Variants in ASCC3 observed in about 807,000 individuals in gnomAD.
The protein encoded by ASCC3 is ASC-1 complex subunit P200.
A neutral mutation model predicts 256.3 loss-of-function variants in ASCC3; 158 were observed. The ratio of observed to expected loss-of-function variants is 0.62; its 90% CI spans 0.54 to 0.70. The LOEUF is 0.70. Ranked by LOEUF, ASCC3 falls within the 30% of genes least tolerant of loss-of-function variation. The pLI is 0.00. For missense variants in ASCC3, 2,259 were observed against 2,626.0 expected, an observed-to-expected ratio of 0.86 and a Z score of 3.05; for synonymous variants, 948 against 883.4, an observed-to-expected ratio of 1.07 and a Z score of -1.30.
rs1772502540 is a variant in ASCC3, at chr6:100,848,555, T to C, written c.394A>G (p.Asn132Asp). 1 of 1,614,132 alleles carries C rather than the reference T, an allele frequency of 6.2e-7. No homozygotes were observed. The highest frequency in any genetic ancestry group is 1.1e-5 in the South Asian group (1 of 91,082). The change falls in exon 4 of 42, where the codon AAT (asparagine) becomes GAT (aspartate). Residue 132 changes from asparagine (N) to aspartate (D), a missense_variant. Around this residue, in one of 2 missense-constraint regions of ASCC3, gnomAD observed 420 missense variants for 419.3 expected, o/e 1.00. Coordinates refer to ENST00000369162, the MANE Select transcript of ASCC3 (RefSeq NM_006828.4). ...TGAGAAATAATTCGATTAGTAGCAT[T>C]ACAAGCTGCAGTGGCAGATGATGAA... Reference protein sequence around the residue: ...FPSSSATAACNATNRIISHFS... With the variant: ...FPSSSATAACDATNRIISHFS...
chr6:100,841,181 C>T (rs1453761419), intron 4 of ASCC3, among the ~76,000 whole-genome samples: 1 of 152,046 alleles, frequency 6.6e-6, no homozygotes, highest in Non-Finnish European at 1.5e-5. Flanking sequence ...GAACAAAACC[C>T]ATAAATATTG....
intron 34 of ASCC3, among the ~76,000 whole-genome samples, chr6:100,597,710 T>C (rs909130727): frequency 1.1e-4 from 16 of 151,420 alleles, no homozygotes; most frequent in African/African-American, 3.6e-4. Context: ...TGGTGGCTTA[T>C]GCCTGTAGTC....
intron 4 of ASCC3, among the ~76,000 whole-genome samples, chr6:100,819,166 G>A (rs369197877): frequency 7.2e-5 from 11 of 152,010 alleles, no homozygotes; most frequent in Admixed American, 3.3e-4. Flanking sequence ...AGCCTGTCGG[G>A]GGCTGGGGGG....
chr6:100,738,129 G>T (rs1458429867), intron 10 of ASCC3, among the ~76,000 whole-genome samples: 3 of 152,162 alleles, frequency 2.0e-5, no homozygotes, highest in Non-Finnish European at 2.9e-5. Context: ...ACCTTTGTCA[G>T]ATGGATAGAT....
chr6:100,803,632 A>G (rs1463345687), intron 5 of ASCC3, among the ~76,000 whole-genome samples: 1 of 152,140 alleles, frequency 6.6e-6, no homozygotes, highest in Non-Finnish European at 1.5e-5. Flanking sequence ...CAATACACTC[A>G]AAGAACAAAC....
chr6:100,675,697 G>T (rs888081096), intron 14 of ASCC3, among the ~76,000 whole-genome samples: 2 of 152,056 alleles, frequency 1.3e-5, no homozygotes, highest in African/African-American at 2.4e-5. Flanking sequence ...CAGACACAAG[G>T]CTTATTACGT....
intron 8 of ASCC3, among the ~76,000 whole-genome samples, chr6:100,796,420 T>C (rs77902947): frequency 3.3e-5 from 5 of 152,292 alleles, no homozygotes; most frequent in East Asian, 1.9e-4. Flanking sequence ...ATCTGTGTTA[T>C]GGAAAGAACT....
chr6:100,540,730 C>T (rs992046840), intron 36 of ASCC3, among the ~76,000 whole-genome samples: 9 of 151,942 alleles, frequency 5.9e-5, no homozygotes, highest in African/African-American at 1.5e-4. Context: ...ATAAATGTTA[C>T]GATATGGTAA....
chr6:100,833,697 T>G (rs1344356275), intron 4 of ASCC3, among the ~76,000 whole-genome samples: 1 of 152,194 alleles, frequency 6.6e-6, no homozygotes, highest in African/African-American at 2.4e-5. Context: ...ATGAAAATGA[T>G]TATTCCCTTA....
rs749190081 is a variant in ASCC3 at position 100,766,619 on chromosome 6, C to G, written c.1683G>C (p.Val561=). 28 of 1,613,914 alleles carry G rather than the reference C, an allele frequency of 1.7e-5. No individual in the cohort carries two copies. The highest frequency in any genetic ancestry group is 2.3e-5 in the Non-Finnish European group (27 of 1,179,956). ...SRRLEPLGII[V]KELTGDMQLS... is the part of the protein sequence containing the mutation. ...ACTGCATGTCACCAGTCAATTCTTT[C>G]ACAATGATGCCTAGTGGCTCTAGAC... Residue 561 remains valine, a synonymous_variant, in exon 10 of 42, where the codon GTG becomes GTC. Transcript: ENST00000369162.
chr6:100,664,009 T>G (rs1454493738), intron 14 of ASCC3, among the ~76,000 whole-genome samples: 1 of 152,128 alleles, frequency 6.6e-6, no homozygotes. Flanking sequence ...TTAGTATACT[T>G]ATATGTCACC....
Position 100,834,093 on chromosome 6 carries a change from C to G in ASCC3, c.801+14055G>C, listed in dbSNP as rs578015183. 1.1e-4 allele frequency among the ~76,000 whole-genome samples: 16 copies of G among 151,966 alleles called. No individual in the cohort carries two copies. The East Asian group carries it at 2.9e-3, about 28-fold the overall frequency. ...AAACAAAAATTATCTAGCTAAATGT[C>G]TTATATATAAAAGATGCTTATCAAA... On this transcript the variant is annotated intron_variant, in intron 4 of 41. Transcript: ENST00000369162.
intron 41 of ASCC3, 45 bp downstream of exon 41, chr6:100,509,887 C>T: frequency 1.4e-6 from 2 of 1,392,626 alleles, no homozygotes; most frequent in Non-Finnish European, 9.7e-7. Flanking sequence ...GACTCCGCCT[C>T]AAAAAAAAAA....
chr6:100,691,885 A>T (rs1777866357), intron 13 of ASCC3, among the ~76,000 whole-genome samples: 1 of 151,764 alleles, frequency 6.6e-6, no homozygotes, highest in African/African-American at 2.4e-5. Flanking sequence ...AAACTTGGGC[A>T]AGTTCACCCG....
chr6:100,774,915 C>A (rs1010566299), intron 8 of ASCC3, among the ~76,000 whole-genome samples: 1 of 152,100 alleles, frequency 6.6e-6, no homozygotes, highest in African/African-American at 2.4e-5. Context: ...GAGACAGTCA[C>A]TAAGCATGCC....
At chr6:100,735,878 A>G (rs1780131092) in intron 10 of ASCC3, among the ~76,000 whole-genome samples, 1 of 152,200 alleles carries the variant, frequency 6.6e-6, no homozygotes, top group Admixed American at 6.5e-5. Flanking sequence ...TTACATATTT[A>G]GGTGGCTTTT....
intron 29 of ASCC3, among the ~76,000 whole-genome samples, chr6:100,627,227 TAA>T (rs1774285969): frequency 6.6e-6 from 1 of 152,168 alleles, no homozygotes. Context: ...CTGAAATTTC[TAA>T]GTTTTATGAT....
intron 4 of ASCC3, among the ~76,000 whole-genome samples, chr6:100,832,764 T>C (rs1771683701): frequency 6.6e-6 from 1 of 151,764 alleles, no homozygotes; most frequent in African/African-American, 2.4e-5. Flanking sequence ...ATATTATCAA[T>C]CCCACAGACA....
chr6:100,648,419 A>G (rs2114906235), intron 20 of ASCC3, among the ~76,000 whole-genome samples: 1 of 152,224 alleles, frequency 6.6e-6, no homozygotes, highest in South Asian at 2.1e-4. Flanking sequence ...GAGATACAAA[A>G]CTGAAAAGAT....
Sources: allele counts gnomAD v4.1 joint callset (sites outside exome capture counted in the v4.1 genomes callset), GRCh38; gene constraint gnomAD v4.1.1; regional missense constraint gnomAD v4.1.1; transcripts MANE v1.5; gene names NCBI Gene and HGNC (gene_info 2026-07-23, HGNC 2026-07-21).